Variants in PKIG observed in about 807,000 individuals in gnomAD.
PKIG encodes the protein protein kinase (cAMP-dependent, catalytic) inhibitor gamma.
In PKIG, 1 loss-of-function variant was observed where a neutral mutation model predicts 6.8. The observed-to-expected ratio is 0.15, with a 90% CI of 0.05 to 0.69. The LOEUF is 0.69. Ranked by LOEUF, PKIG falls within the 30% of genes least tolerant of loss-of-function variation. The pLI, the probability that PKIG is intolerant of heterozygous loss-of-function variation, is 0.82. For missense variants in PKIG, 77 were observed against 104.0 expected, an observed-to-expected ratio of 0.74 and a Z score of 1.13; for synonymous variants, 39 against 43.0, an observed-to-expected ratio of 0.91 and a Z score of 0.36.
intron 1 of PKIG, among the ~76,000 whole-genome samples, chr20:44,553,827 G>A (rs1446632359): frequency 2.0e-5 from 3 of 152,150 alleles, no homozygotes; most frequent in Non-Finnish European, 4.4e-5. Context: ...AGGCACCCAA[G>A]CTGAGTCTGG....
chr20:44,607,649 C>A (rs756843217), intron 2 of PKIG, among the ~76,000 whole-genome samples: 5 of 147,532 alleles, frequency 3.4e-5, no homozygotes, highest in African/African-American at 5.0e-5. Context: ...AGCCAAGACA[C>A]ATTTTTAAAT....
chr20:44,572,040 G>A (rs1392590251), intron 1 of PKIG, among the ~76,000 whole-genome samples: 1 of 152,210 alleles, frequency 6.6e-6, no homozygotes, highest in Non-Finnish European at 1.5e-5. Context: ...GTCTCGCTCT[G>A]TTGCCCAGGC....
chr20:44,556,507 C>T (rs1311581483), intron 1 of PKIG, among the ~76,000 whole-genome samples: 6 of 151,628 alleles, frequency 4.0e-5, no homozygotes, highest in South Asian at 4.2e-4. Context: ...GGATTACAAG[C>T]GTGTGCCACC....
At chr20:44,590,544 A>G (rs2065025775) in intron 2 of PKIG, among the ~76,000 whole-genome samples, 1 of 152,238 alleles carries the variant, frequency 6.6e-6, no homozygotes, top group South Asian at 2.1e-4. Flanking sequence ...CTTTTTACCT[A>G]AAGCAGCAGT....
intron 1 of PKIG, among the ~76,000 whole-genome samples, chr20:44,561,425 A>G (rs1297083715): frequency 6.6e-6 from 1 of 152,222 alleles, no homozygotes; most frequent in African/African-American, 2.4e-5. Context: ...AAAACATATA[A>G]TAATCAAAAA....
intron 2 of PKIG, among the ~76,000 whole-genome samples, chr20:44,609,052 C>T (rs954020573): frequency 4.6e-5 from 7 of 152,102 alleles, no homozygotes; most frequent in Non-Finnish European, 1.0e-4. Flanking sequence ...TCTTTATTTC[C>T]CCATTTGCTG....
Position 44,618,624 on chromosome 20 carries a change from AT to A in PKIG, c.*262del, listed in dbSNP as rs996400561. 16 of 396,044 alleles carry A rather than the reference AT, an allele frequency of 4.0e-5. No individual in the cohort carries two copies. Among genetic ancestry groups the A allele is most frequent in the African/African-American group, 2.7e-4 (13 of 48,724 alleles). 24.5% of individuals were successfully genotyped at this position (396,044 alleles called of 1,614,324 possible). On this transcript the variant is annotated 3_prime_UTR_variant, in exon 4 of 4. Coordinates refer to ENST00000372886, the MANE Select transcript of PKIG (RefSeq NM_001281445.2). ...ACACTGTAACCACAAGATGTTATTT[AT>A]TGAGCTGGCGCCGGGACTTGGGCGG...
rs982469171 is a variant in PKIG, at chr20:44,611,929, G to A, written c.-23-2605G>A. Among the ~76,000 whole-genome samples the A allele has an allele frequency of 5.3e-5, 8 of 151,880 alleles. No individual in the cohort carries two copies. The East Asian group carries it at 1.4e-3, about 26-fold the overall frequency. ...AACATTATGTCCTCCAGGTTTATCCGTTTTGTCCCAAATAACAAGATTTCA... is the reference window on the plus strand; with the variant it reads ...AACATTATGTCCTCCAGGTTTATCCATTTTGTCCCAAATAACAAGATTTCA... On this transcript the variant is annotated intron_variant, in intron 2 of 3. Coordinates refer to ENST00000372886, the MANE Select transcript of PKIG (RefSeq NM_001281445.2).
Position 44,614,435 on chromosome 20 carries a change from G to A in PKIG, c.-23-99G>A, listed in dbSNP as rs2065245516. On this transcript the variant is annotated intron_variant, in intron 2 of 3. Transcript: ENST00000372886. This position sits in a 1 kb window ranked among gnomAD's most constrained non-coding sequence, Gnocchi z 4.6. Reference sequence around the variant, plus strand: ...TTGTTTTCAATAAGAGGCAATAACTGTCATTTTGACAGAAGCCACTGTGCT... The same window carrying A: ...TTGTTTTCAATAAGAGGCAATAACTATCATTTTGACAGAAGCCACTGTGCT... 2.4e-6 allele frequency: 2 copies of A among 824,964 alleles called. No individual in the cohort carries two copies. The highest frequency in any genetic ancestry group is 1.9e-6 in the Non-Finnish European group (1 of 519,300). 51.1% of individuals were successfully genotyped at this position (824,964 alleles called of 1,614,324 possible). A position where few individuals can be genotyped will look rare whatever the true frequency, so the allele number is the denominator to read the frequency against.
intron 1 of PKIG, among the ~76,000 whole-genome samples, chr20:44,573,154 G>A (rs1367809345): frequency 6.6e-6 from 1 of 152,240 alleles, no homozygotes; most frequent in Admixed American, 6.5e-5. Flanking sequence ...CTCTGTGCCA[G>A]GCAGGCAGGC....
upstream of PKIG, among the ~76,000 whole-genome samples, chr20:44,578,572 C>T (rs2064920149): frequency 6.8e-6 from 1 of 146,102 alleles, no homozygotes; most frequent in Admixed American, 6.8e-5. Context: ...TGCTCTCCAT[C>T]TTGCCATGCA....
chr20:44,604,363 C>G (rs955807899), intron 2 of PKIG, among the ~76,000 whole-genome samples: 1 of 152,190 alleles, frequency 6.6e-6, no homozygotes, highest in Non-Finnish European at 1.5e-5. Context: ...TGTTGATATC[C>G]TCCGGGAGGA....
intron 1 of PKIG, among the ~76,000 whole-genome samples, chr20:44,560,500 AT>A (rs1237779232): frequency 6.6e-6 from 1 of 152,170 alleles, no homozygotes; most frequent in Admixed American, 6.6e-5. Context: ...TACCAAAGCC[AT>A]TTTTGTTCTG....
chr20:44,574,273 A>G (rs2064877118), intron 1 of PKIG, among the ~76,000 whole-genome samples: 1 of 152,030 alleles, frequency 6.6e-6, no homozygotes, highest in Non-Finnish European at 1.5e-5. Flanking sequence ...AAGGGCATAC[A>G]CTTTTGATCC....
At chr20:44,538,819 C>T (rs2064535141) in intron 1 of PKIG, among the ~76,000 whole-genome samples, 1 of 152,046 alleles carries the variant, frequency 6.6e-6, no homozygotes, top group African/African-American at 2.4e-5. Context: ...GATGGAGTCT[C>T]GCTATGTTGC....
intron 1 of PKIG, among the ~76,000 whole-genome samples, chr20:44,589,301 C>T (rs1479922777): frequency 1.3e-5 from 2 of 152,124 alleles, no homozygotes; most frequent in African/African-American, 2.4e-5. Context: ...TGCACCAGTA[C>T]ACTCCAGCCT....
At chr20:44,616,907 C>G (rs960275629) in intron 3 of PKIG, among the ~76,000 whole-genome samples, 4 of 152,298 alleles carry the variant, frequency 2.6e-5, no homozygotes, top group African/African-American at 4.8e-5. Context: ...CACCCACTTC[C>G]TAGCTTGCCG....
At chr20:44,569,969 A>G (rs552263351) in intron 1 of PKIG, among the ~76,000 whole-genome samples, 1 of 152,314 alleles carries the variant, frequency 6.6e-6, no homozygotes, top group East Asian at 1.9e-4. Context: ...CTCCACAGGA[A>G]ATGAAAAAAA....
At chr20:44,535,947 A>G (rs948897871) in intron 1 of PKIG, among the ~76,000 whole-genome samples, 3 of 152,210 alleles carry the variant, frequency 2.0e-5, no homozygotes, top group African/African-American at 7.2e-5. Context: ...TATACCTTTA[A>G]TAGGTTTAGC....
Sources: allele counts gnomAD v4.1 joint callset (sites outside exome capture counted in the v4.1 genomes callset), GRCh38; gene constraint gnomAD v4.1.1; non-coding constraint Gnocchi (gnomAD v3.1); transcripts MANE v1.5; gene names NCBI Gene and HGNC (gene_info 2026-07-23, HGNC 2026-07-21).